The following LURAP1L variants were observed in gnomAD, a reference collection of about 807,000 sequenced individuals.
LURAP1L encodes leucine rich adaptor protein 1-like.
A neutral mutation model predicts 13.8 loss-of-function variants in LURAP1L; 12 were observed. The ratio of observed to expected loss-of-function variants is 0.87; its 90% confidence interval spans 0.56 to 1.41. LURAP1L has a LOEUF of 1.41. Ranked by LOEUF, LURAP1L falls within the 40% of genes most tolerant of loss-of-function variation. The pLI is 0.00. For missense variants in LURAP1L, 375 were observed against 292.9 expected, an observed-to-expected ratio of 1.28 and a Z score of -2.04; for synonymous variants, 139 against 119.2, an observed-to-expected ratio of 1.17 and a Z score of -1.08.
intron 1 of LURAP1L, among the ~76,000 whole-genome samples, chr9:12,788,148 G>GAAGAAAGAAAGAAAGAAAGA (rs35187096): frequency 0.088 from 10,302 of 117,166 alleles, 576 homozygotes; most frequent in African/African-American, 0.11. Flanking sequence ...GAAAGAGAAA[G>GAAGAAAGAAAGAAAGAAAGA]AAGAAAGAAA....
intron 1 of LURAP1L, among the ~76,000 whole-genome samples, chr9:12,790,101 T>A (rs957877186): frequency 1.3e-5 from 2 of 152,132 alleles, no homozygotes; most frequent in Admixed American, 1.3e-4. Context: ...TGCAGTTAAG[T>A]CATGTTATTT....
chr9:12,815,559 T>G (rs1819793828), intron 1 of LURAP1L, among the ~76,000 whole-genome samples: 1 of 152,152 alleles, frequency 6.6e-6, no homozygotes, highest in Admixed American at 6.5e-5. Context: ...TCCTTCTAAT[T>G]CATATTACAG....
At chr9:12,788,207 A>AAAAGAAAAGC (rs1563889145) in intron 1 of LURAP1L, among the ~76,000 whole-genome samples, 4 of 131,578 alleles carry the variant, frequency 3.0e-5, no homozygotes, top group African/African-American at 1.2e-4. Flanking sequence ...AAAAGAAAAG[A>AAAAGAAAAGC]AAAGCTCAAT....
chr9:12,803,085 A>G (rs886770915), intron 1 of LURAP1L, among the ~76,000 whole-genome samples: 1 of 152,196 alleles, frequency 6.6e-6, no homozygotes, highest in African/African-American at 2.4e-5. Context: ...TTCATTCAGC[A>G]TATGTTTATT....
intron 1 of LURAP1L, among the ~76,000 whole-genome samples, chr9:12,815,016 C>T (rs1021109370): frequency 1.3e-5 from 2 of 152,184 alleles, no homozygotes; most frequent in Admixed American, 1.3e-4. Flanking sequence ...GTAGGCTTTT[C>T]ACCTGAAGCA....
intron 1 of LURAP1L, among the ~76,000 whole-genome samples, chr9:12,801,558 A>G (rs556801060): frequency 2.0e-5 from 3 of 152,310 alleles, no homozygotes; most frequent in African/African-American, 7.2e-5. Flanking sequence ...CTGCTGTAAG[A>G]CTACAATTTA....
chr9:12,817,946 T>C (rs1819825481), intron 1 of LURAP1L, among the ~76,000 whole-genome samples: 1 of 152,100 alleles, frequency 6.6e-6, no homozygotes, highest in African/African-American at 2.4e-5. Flanking sequence ...CCTGCCAGCG[T>C]GTGAACTGAC....
intron 1 of LURAP1L, among the ~76,000 whole-genome samples, chr9:12,820,514 C>CA (rs1160341281): frequency 0.02 from 818 of 41,508 alleles, 81 homozygotes; most frequent in East Asian, 0.063. Flanking sequence ...CCCCCCCCCC[C>CA]AAAAAAAAAA....
chr9:12,786,803 A>G (rs1819362504), intron 1 of LURAP1L, among the ~76,000 whole-genome samples: 2 of 151,672 alleles, frequency 1.3e-5, no homozygotes, highest in African/African-American at 4.8e-5. Flanking sequence ...ACTATAATAT[A>G]TAACTAATGT....
chr9:12,789,106 G>T (rs910451515), intron 1 of LURAP1L, among the ~76,000 whole-genome samples: 2 of 145,884 alleles, frequency 1.4e-5, no homozygotes, highest in African/African-American at 2.6e-5. Context: ...AAAAAGAAAA[G>T]AAAAGAAAAA....
At chr9:12,814,795 T>G (rs79695172) in intron 1 of LURAP1L, among the ~76,000 whole-genome samples, 6,434 of 152,308 alleles carry the variant, frequency 0.042, 178 homozygotes, top group African/African-American at 0.065. Context: ...GGAAATTACT[T>G]TTCTATAACG....
At chr9:12,810,515 A>G (rs76652765) in intron 1 of LURAP1L, among the ~76,000 whole-genome samples, 2,202 of 152,264 alleles carry the variant, frequency 0.014, 56 homozygotes, top group African/African-American at 0.05. Context: ...AGCCCTTCAC[A>G]TATCAGACTG....
At chr9:12,783,444 G>A (rs1205743033) in intron 1 of LURAP1L, among the ~76,000 whole-genome samples, 1 of 152,050 alleles carries the variant, frequency 6.6e-6, no homozygotes, top group African/African-American at 2.4e-5. Context: ...TGCTTTTCCA[G>A]TATCAACTGA....
chr9:12,790,011 T>C (rs1388927263), intron 1 of LURAP1L, among the ~76,000 whole-genome samples: 2 of 152,214 alleles, frequency 1.3e-5, no homozygotes, highest in Admixed American at 1.3e-4. Context: ...ATTTTATCAC[T>C]TAGATTGGTG....
At chr9:12,786,907 G>T (rs141984168) in intron 1 of LURAP1L, among the ~76,000 whole-genome samples, 13 of 151,966 alleles carry the variant, frequency 8.6e-5, no homozygotes, top group African/African-American at 3.1e-4. Context: ...CTTGTCTCCT[G>T]ATACAATTGG....
At chr9:12,800,927 C>T (rs887828013) in intron 1 of LURAP1L, among the ~76,000 whole-genome samples, 1 of 152,124 alleles carries the variant, frequency 6.6e-6, no homozygotes, top group Non-Finnish European at 1.5e-5. Flanking sequence ...CTGTCAAGTG[C>T]TTCTGTTTAG....
At chr9:12,799,618 C>T (rs556891835) in intron 1 of LURAP1L, among the ~76,000 whole-genome samples, 11 of 152,076 alleles carry the variant, frequency 7.2e-5, no homozygotes, top group Non-Finnish European at 1.0e-4. Context: ...TGGTGGCTCA[C>T]GCCTGTAATC....
intron 1 of LURAP1L, among the ~76,000 whole-genome samples, chr9:12,792,955 T>C (rs1263380425): frequency 6.6e-6 from 1 of 152,096 alleles, no homozygotes; most frequent in Non-Finnish European, 1.5e-5. Context: ...GGAATAATTA[T>C]GTGAGAAGAA....
intron 1 of LURAP1L, among the ~76,000 whole-genome samples, chr9:12,788,320 G>C (rs192569875): frequency 6.6e-6 from 1 of 152,148 alleles, no homozygotes; most frequent in Non-Finnish European, 1.5e-5. Flanking sequence ...GGCAAGGATG[G>C]AGATAAATGG....
Sources: gnomAD v4.1 joint callset for allele counts (sites outside exome capture counted in the v4.1 genomes callset) on GRCh38, gnomAD v4.1.1 for gene constraint, MANE v1.5 for transcripts, NCBI Gene and HGNC (gene_info 2026-07-23, HGNC 2026-07-21) for gene names.